The following PDXDC1 variants were observed in gnomAD, a reference collection of about 807,000 sequenced individuals.
PDXDC1 encodes the protein pyridoxal-dependent decarboxylase domain-containing protein 1.
PDXDC1 carries 42 observed loss-of-function variants against 100.1 expected under a neutral mutation model. The ratio of observed to expected loss-of-function variants is 0.42; its 90% CI spans 0.33 to 0.54. The LOEUF is 0.54. PDXDC1 is among the 20% of genes least tolerant of loss of function. The pLI, the probability that PDXDC1 is intolerant of heterozygous loss-of-function variation, is 0.10. For synonymous variants in PDXDC1, 260 were observed against 371.7 expected, an observed-to-expected ratio of 0.70 and a Z score of 3.46; for missense variants, 636 against 979.2, an observed-to-expected ratio of 0.65 and a Z score of 4.68.
Position 15,051,360 on chromosome 16 carries a change from T to A in PDXDC1, c.1399+21304T>A, listed in dbSNP as rs546420158. On this transcript the variant is annotated intron_variant, in intron 16 of 16. Transcript: ENST00000535621. ...CAGTAGACTGCTTTGCTCTATTTTT[T>A]AATTTCTTTTTTTAAACAGGGTCTT... 2.0e-5 allele frequency among the ~76,000 whole-genome samples: 3 copies of A among 152,348 alleles called. No homozygotes were observed. In the South Asian group the frequency reaches 6.2e-4, roughly 32 times the overall value.
chr16:15,059,297 G>A (rs987227468), intron 16 of PDXDC1, among the ~76,000 whole-genome samples: 4 of 152,262 alleles, frequency 2.6e-5, no homozygotes, highest in South Asian at 2.1e-4. Flanking sequence ...AGGGAAACAC[G>A]CTGGTTCCTC....
At chr16:15,097,969 T>A (rs1308363477) in intron 16 of PDXDC1, among the ~76,000 whole-genome samples, 1 of 117,988 alleles carries the variant, frequency 8.5e-6, no homozygotes, top group Non-Finnish European at 1.7e-5. Context: ...TGAGACGGAG[T>A]CTCCCTCTGT....
intron 1 of PDXDC1, among the ~76,000 whole-genome samples, chr16:14,985,267 G>A (rs1480849816): frequency 6.7e-6 from 1 of 148,698 alleles, no homozygotes; most frequent in South Asian, 2.2e-4. Context: ...AGTTTTGGAA[G>A]ATATGATAAA....
intron 16 of PDXDC1, among the ~76,000 whole-genome samples, chr16:15,056,948 G>C (rs982350809): frequency 2.0e-5 from 3 of 152,192 alleles, no homozygotes; most frequent in Non-Finnish European, 4.4e-5. Flanking sequence ...ACTGACTGCA[G>C]AGCCCCTAAT....
At chr16:14,994,761 C>T (rs1275082574) in intron 1 of PDXDC1, among the ~76,000 whole-genome samples, 9 of 152,294 alleles carry the variant, frequency 5.9e-5, no homozygotes, top group Admixed American at 5.9e-4. Flanking sequence ...ATTGATTCTT[C>T]CTACCCATGA....
In PDXDC1 at chr16:15,111,479, G is replaced by C. The variant is rs1411612820; in HGVS notation, c.1400-27400G>C. On this transcript the variant is annotated intron_variant, in intron 16 of 16. Transcript: ENST00000535621. ...CTCAAAAAAAAAAAAAAAAAAATAG[G>C]CCAGGTGTGGTAGCTCACGCCTGTA... is the stretch of plus-strand genomic sequence containing the variant. Among the ~76,000 whole-genome samples, 4 of 139,380 alleles carry C rather than the reference G, an allele frequency of 2.9e-5. No individual in the cohort carries two copies. The South Asian group carries it at 9.2e-4, about 32-fold the overall frequency. 91.4% of individuals were successfully genotyped at this position (139,380 alleles called of 152,430 possible).
chr16:15,051,646 G>A (rs2044293903), intron 16 of PDXDC1, among the ~76,000 whole-genome samples: 1 of 150,782 alleles, frequency 6.6e-6, no homozygotes, highest in Non-Finnish European at 1.5e-5. Flanking sequence ...CACCACACTT[G>A]TGCTAGGATT....
At chr16:15,052,204 T>C (rs35574015) in intron 16 of PDXDC1, among the ~76,000 whole-genome samples, 44,336 of 151,822 alleles carry the variant, frequency 0.29, 6,999 homozygotes, top group Admixed American at 0.44. Flanking sequence ...AAAGCAGCCA[T>C]AGACAATACA....
At position 15,125,407 on chromosome 16, in the gene PDXDC1, C is replaced by T. The variant is rs1025431280; in HGVS notation, c.1400-13472C>T. ...CCCCGTCCAGTCACGCACGGACACC[C>T]TGGGCTTCCGAGCAAACCTGCTCCC... is the stretch of plus-strand genomic sequence containing the variant. On this transcript the variant is annotated intron_variant, in intron 16 of 16. Transcript: ENST00000535621. 5 of 791,060 alleles carry T rather than the reference C, an allele frequency of 6.3e-6. No individual in the cohort carries two copies. The Admixed American group carries it at 9.2e-5, about 15-fold the overall frequency. 49.0% of individuals were successfully genotyped at this position (791,060 alleles called of 1,614,324 possible).
chr16:15,090,095 AGCTATTTGGGAG>A (rs1277707603), intron 16 of PDXDC1, among the ~76,000 whole-genome samples: 1 of 151,898 alleles, frequency 6.6e-6, no homozygotes, highest in African/African-American at 2.4e-5. Context: ...CTGTAATCTC[AGCTATTTGGGAG>A]GCTGAGGCAG....
At chr16:15,072,102 A>G (rs1371945564) in intron 16 of PDXDC1, among the ~76,000 whole-genome samples, 1 of 152,158 alleles carries the variant, frequency 6.6e-6, no homozygotes, top group Non-Finnish European at 1.5e-5. Flanking sequence ...AACTTCTCCT[A>G]AATAGCGCTG....
rs1270155714 is a variant in PDXDC1 at position 15,031,137 on chromosome 16, C to CTTTA, written c.1400-598_1400-597insTTTA. 1.2e-3 allele frequency among the ~76,000 whole-genome samples: 135 copies of CTTTA among 114,222 alleles called. 4 individuals carry two copies. In the East Asian group the frequency reaches 0.028, roughly 24 times the overall value. The allele number at this position is 114,222 out of a possible 152,430, so 74.9% of individuals were successfully genotyped here. A position where few individuals can be genotyped will look rare whatever the true frequency, so the allele number is the denominator to read the frequency against. ...ATTTTTTTTTTTTTTTTTTTTTTTC[C>CTTTA]ATAGAGACGTGGTCTCACTCTGTCA... On this transcript the variant is annotated intron_variant, in intron 16 of 22. Transcript: ENST00000396410.
At chr16:15,059,230 G>A (rs949066029) in intron 16 of PDXDC1, among the ~76,000 whole-genome samples, 1 of 152,148 alleles carries the variant, frequency 6.6e-6, no homozygotes, top group Non-Finnish European at 1.5e-5. Flanking sequence ...CACTCCAAGG[G>A]ACTGATTCTA....
At chr16:15,065,439 C>CAGA (rs2044927512) in intron 16 of PDXDC1, 1 of 1,397,166 alleles carries the variant, frequency 7.2e-7, no homozygotes, top group Non-Finnish European at 9.9e-7. Flanking sequence ...CAGATGTGAG[C>CAGA]TGCGTGTGAC....
chr16:15,058,322 C>CTAAT (rs1241661015), intron 16 of PDXDC1, among the ~76,000 whole-genome samples: 1 of 151,808 alleles, frequency 6.6e-6, no homozygotes, highest in Non-Finnish European at 1.5e-5. Flanking sequence ...AAAGAAAGCA[C>CTAAT]TAATTACAAT....
At chr16:15,135,753 T>C (rs2048318825) in intron 16 of PDXDC1, 1 of 1,597,394 alleles carries the variant, frequency 6.3e-7, no homozygotes, top group South Asian at 1.1e-5. Flanking sequence ...AGGTCCTGTG[T>C]GTCTGACCAC....
chr16:15,067,584 A>C (rs2045032049), intron 16 of PDXDC1, among the ~76,000 whole-genome samples: 1 of 149,868 alleles, frequency 6.7e-6, no homozygotes, highest in Non-Finnish European at 1.5e-5. Context: ...GTTTATTTCT[A>C]TTACTATTAC....
chr16:15,038,127 T>C lies in PDXDC1; in HGVS notation c.*1852T>C, dbSNP rs534767244. On this transcript the variant is annotated 3_prime_UTR_variant, in exon 23 of 23. Transcript: ENST00000396410. ...CAGAAAACAGTGTGTGAGCTGGAGATGGGTGTTTTTTTAAAAACATCAAGG... is the reference window on the plus strand; with the variant it reads ...CAGAAAACAGTGTGTGAGCTGGAGACGGGTGTTTTTTTAAAAACATCAAGG... 120 of 1,612,520 alleles carry C rather than the reference T, an allele frequency of 7.4e-5. 2 individuals carry two copies. In the South Asian group the frequency reaches 1.2e-3, roughly 15 times the overall value.
intron 1 of PDXDC1, among the ~76,000 whole-genome samples, chr16:14,977,276 T>C (rs77798885): frequency 6.8e-6 from 1 of 147,872 alleles, no homozygotes; most frequent in Non-Finnish European, 1.5e-5. Flanking sequence ...TTACTTTTTT[T>C]TTTTTTTTTT....
Sources: gnomAD v4.1 joint callset for allele counts (sites outside exome capture counted in the v4.1 genomes callset) on GRCh38, gnomAD v4.1.1 for gene constraint, MANE v1.5 for transcripts, NCBI Gene and HGNC (gene_info 2026-07-23, HGNC 2026-07-21) for gene names.